GNB5: variants seen among roughly 807,000 people sequenced by gnomAD.
GNB5 encodes the protein guanine nucleotide-binding protein subunit beta-5.
Under a neutral mutation model 55.3 loss-of-function variants are expected in GNB5, and 37 were observed. The ratio of observed to expected loss-of-function variants is 0.67; its 90% CI spans 0.51 to 0.88. The LOEUF (loss-of-function observed/expected upper bound fraction) is 0.88. Ranked by LOEUF, GNB5 falls within the 40% of genes least tolerant of loss-of-function variation. The pLI is 0.00. For missense variants in GNB5, 476 were observed against 515.3 expected (o/e 0.92, Z 0.74); for synonymous variants, 219 against 198.5 (o/e 1.10, Z -0.87).
intron 3 of GNB5, among the ~76,000 whole-genome samples, chr15:52,163,674 G>A (rs2034389963): frequency 6.6e-6 from 1 of 152,194 alleles, no homozygotes; most frequent in Non-Finnish European, 1.5e-5. Context: ...GAGTCTGGGT[G>A]GTCTGGATGA....
At chr15:52,190,778 T>TAAAAAAAA (rs58614125) in intron 1 of GNB5, among the ~76,000 whole-genome samples, 20 of 96,904 alleles carry the variant, frequency 2.1e-4, no homozygotes, top group African/African-American at 7.5e-4. Flanking sequence ...CTTATTTCCT[T>TAAAAAAAA]AAAAAAAAAA....
chr15:52,126,423 T>A (rs980050909), intron 10 of GNB5, among the ~76,000 whole-genome samples: 3 of 152,228 alleles, frequency 2.0e-5, no homozygotes, highest in African/African-American at 7.2e-5. Flanking sequence ...CTAGAGGTAT[T>A]TACTAATTCT....
intron 3 of GNB5, among the ~76,000 whole-genome samples, chr15:52,178,443 T>C (rs1260788862): frequency 6.6e-6 from 1 of 152,156 alleles, no homozygotes; most frequent in Non-Finnish European, 1.5e-5. Context: ...GAAGTGATGT[T>C]TGGAGCTGTG....
intron 6 of GNB5, chr15:52,144,474 C>G (rs2033927104): frequency 6.6e-6 from 1 of 152,202 alleles, no homozygotes; most frequent in African/African-American, 2.4e-5. Flanking sequence ...ACTTACGATT[C>G]CTACTGAGTA....
intron 11 of GNB5, chr15:52,125,732 C>T: frequency 1.9e-6 from 1 of 538,408 alleles, no homozygotes; most frequent in Non-Finnish European, 3.3e-6. Flanking sequence ...GGTGGGTACA[C>T]AGCCTTCATT....
chr15:52,186,906 C>T (rs1433071749), intron 1 of GNB5, among the ~76,000 whole-genome samples: 1 of 152,160 alleles, frequency 6.6e-6, no homozygotes, highest in East Asian at 1.9e-4. Flanking sequence ...GTGTACAGGG[C>T]ATCCCTTAGG....
In GNB5 at chr15:52,153,971, T is replaced by G. The variant is rs751327589; in HGVS notation, c.344A>C (p.Lys115Thr). The G allele has an allele frequency of 1.9e-6, 3 of 1,613,966 alleles. No homozygotes were observed. The highest frequency in any genetic ancestry group is 1.7e-5 in the Admixed American group (1 of 60,022). ...GNKVLCMDWC[K>T]DKRRIVSSSQ... Reference sequence around the variant, plus strand: ...CGAGCTCACGATCCTCCTCTTATCTTTGCACCAGTCCATGCACAGGACTTT... The same window carrying G: ...CGAGCTCACGATCCTCCTCTTATCTGTGCACCAGTCCATGCACAGGACTTT... The change falls in exon 4 of 13, where the codon AAA (lysine) becomes ACA (threonine). Residue 115 changes from lysine (K) to threonine (T), a missense_variant. Transcript: ENST00000261837.
chr15:52,135,840 A>C, intron 7 of GNB5, 84 bp from the exon 8 acceptor site: 2 of 1,163,434 alleles, frequency 1.7e-6, no homozygotes, highest in African/African-American at 3.2e-5. Flanking sequence ...AACGTTCCGC[A>C]GGGAAAAGCA....
chr15:52,166,442 A>C (rs1444806750), intron 3 of GNB5, among the ~76,000 whole-genome samples: 2 of 152,218 alleles, frequency 1.3e-5, no homozygotes, highest in Non-Finnish European at 2.9e-5. Context: ...TTGGAAGTAA[A>C]ACTCTCCTTA....
chr15:52,159,669 G>A (rs2034289650), intron 3 of GNB5, among the ~76,000 whole-genome samples: 1 of 152,192 alleles, frequency 6.6e-6, no homozygotes, highest in Middle Eastern at 3.2e-3. Flanking sequence ...TCTCTACTAT[G>A]TGCCAAGAGC....
At chr15:52,132,836 A>G (rs1029359221) in intron 9 of GNB5, among the ~76,000 whole-genome samples, 7 of 151,720 alleles carry the variant, frequency 4.6e-5, no homozygotes, top group Non-Finnish European at 1.0e-4. Flanking sequence ...TAGGTCCCTT[A>G]ACCTCTCATC....
At position 52,119,644 on chromosome 15, in the gene GNB5, C is replaced by G. The variant is rs922062056; in HGVS notation, c.*3113G>C. On this transcript the variant is annotated 3_prime_UTR_variant, in exon 13 of 13. Transcript: ENST00000261837. ...GATGTGCTAAAGGCTGAGGTAGGCA[C>G]TTTACATATTTTAGTCCCATCCCAT... The G allele has an allele frequency of 6.6e-6, 1 of 152,112 alleles. No individual in the cohort carries two copies. The highest frequency in any genetic ancestry group is 1.5e-5 in the Non-Finnish European group (1 of 68,054). 9.4% of individuals were successfully genotyped at this position (152,112 alleles called of 1,614,324 possible). A position where few individuals can be genotyped will look rare whatever the true frequency, so the allele number is the denominator to read the frequency against.
chr15:52,155,665 C>T lies in GNB5; in HGVS notation c.239-1589G>A, dbSNP rs185768909. On this transcript the variant is annotated intron_variant, in intron 3 of 12. Transcript: ENST00000261837. ...TTTAGCCTCCAGTTATATTTAGCCT[C>T]CAGTTATGTGGCTGCTTCTTGTAAT... Among the ~76,000 whole-genome samples the T allele has an allele frequency of 5.9e-5, 9 of 152,260 alleles. No homozygotes were observed. In the East Asian group the frequency reaches 1.7e-3, roughly 29 times the overall value.
At chr15:52,143,768 T>C (rs1423480821) in intron 6 of GNB5, 2 of 152,188 alleles carry the variant, frequency 1.3e-5, no homozygotes, top group South Asian at 2.1e-4. Context: ...ACAGTCATGG[T>C]TGGGAAACAT....
chr15:52,155,864 G>A (rs1469156759), intron 3 of GNB5, among the ~76,000 whole-genome samples: 1 of 152,204 alleles, frequency 6.6e-6, no homozygotes, highest in Non-Finnish European at 1.5e-5. Context: ...CTCCACTGGA[G>A]AGTTACCATT....
intron 1 of GNB5, among the ~76,000 whole-genome samples, chr15:52,187,217 C>G (rs2034857741): frequency 6.6e-6 from 1 of 152,134 alleles, no homozygotes; most frequent in Non-Finnish European, 1.5e-5. Context: ...ATCCCACTCC[C>G]CAGCCCTGTA....
rs762369446 is a variant in GNB5, at chr15:52,179,776, T to C, written c.230A>G (p.Asp77Gly). The change falls in exon 3 of 13, where the codon GAT becomes GGT. Residue 77 changes from aspartate (D) to glycine (G), a missense_variant. Physicochemically the swap from Asp to Gly is moderately conservative, Grantham distance 94 (BLOSUM62 -1). Transcript: ENST00000261837. ...KLEEERAKLH[D>G]VELHQVAERV... is the part of the protein sequence containing the mutation. The stretch of plus-strand genomic sequence containing the variant: ...TCCCGGCCCGCACTCACGCTCCACA[T>C]CGTGCAGCTTGGCTCGCTCCTCCTC... 9 of 1,440,164 alleles carry C rather than the reference T, an allele frequency of 6.2e-6. No individual in the cohort carries two copies. Among genetic ancestry groups the C allele is most frequent in the Non-Finnish European group, 8.3e-6 (9 of 1,085,520 alleles). 89.2% of individuals were successfully genotyped at this position (1,440,164 alleles called of 1,614,324 possible).
chr15:52,120,380 C>G lies in GNB5; in HGVS notation c.*2377G>C, dbSNP rs992674274. Reference sequence around the variant, plus strand: ...ATCCCGACAGCACCCACTGCGAGAGCGCATGCTCACAGCGAAGGAGGCTTC... The same window carrying G: ...ATCCCGACAGCACCCACTGCGAGAGGGCATGCTCACAGCGAAGGAGGCTTC... On this transcript the variant is annotated 3_prime_UTR_variant, in exon 13 of 13. Coordinates refer to ENST00000261837, the MANE Select transcript of GNB5 (RefSeq NM_016194.4). 6.6e-6 allele frequency: 1 copy of G among 152,254 alleles called. No homozygotes were observed. The highest frequency in any genetic ancestry group is 2.4e-5 in the African/African-American group (1 of 41,464). 9.4% of individuals were successfully genotyped at this position (152,254 alleles called of 1,614,324 possible).
At chr15:52,148,512 C>T (rs984915732) in intron 5 of GNB5, among the ~76,000 whole-genome samples, 1 of 152,186 alleles carries the variant, frequency 6.6e-6, no homozygotes, top group Non-Finnish European at 1.5e-5. Context: ...GAACCAGGAC[C>T]AGGGTCCACG....
Sources: gnomAD v4.1 joint callset for allele counts (sites outside exome capture counted in the v4.1 genomes callset) on GRCh38, gnomAD v4.1.1 for gene constraint, MANE v1.5 for transcripts, NCBI Gene and HGNC (gene_info 2026-07-23, HGNC 2026-07-21) for gene names.